Variants in NCOA2 observed in about 807,000 individuals in gnomAD.
NCOA2 encodes nuclear receptor coactivator 2.
Under a neutral mutation model 145.1 loss-of-function variants are expected in NCOA2, and 21 were observed. The ratio of observed to expected loss-of-function variants is 0.14; its 90% CI spans 0.10 to 0.21. The LOEUF (loss-of-function observed/expected upper bound fraction) is 0.21, where lower values mean the gene tolerates loss of function less well. Among genes scored for constraint, NCOA2 ranks in the 10% least tolerant of loss-of-function variants. NCOA2 has a pLI of 1.00. For synonymous variants in NCOA2, 619 were observed against 637.5 expected (o/e 0.97, Z 0.44); for missense variants, 1,472 against 1,837.6 (o/e 0.80, Z 3.64).
chr8:70,279,596 T>C (rs1000778390), intron 2 of NCOA2, among the ~76,000 whole-genome samples: 2 of 152,186 alleles, frequency 1.3e-5, no homozygotes, highest in African/African-American at 2.4e-5. Context: ...GAGACTAATA[T>C]CCCTACTTCC....
At chr8:70,233,471 A>C (rs543494421) in intron 2 of NCOA2, among the ~76,000 whole-genome samples, 1 of 152,318 alleles carries the variant, frequency 6.6e-6, no homozygotes, top group Admixed American at 6.5e-5. Flanking sequence ...AAGGGAATAC[A>C]GGCATGTAGA....
chr8:70,412,278 T>C, the NCOA2 span, among the ~76,000 whole-genome samples: 2 of 150,534 alleles, frequency 1.3e-5, no homozygotes, highest in Non-Finnish European at 3.0e-5. Flanking sequence ...TGTCTGTCTC[T>C]AAAAAGAATA....
At chr8:70,377,933 A>C (rs1340773238) in intron 1 of NCOA2, among the ~76,000 whole-genome samples, 1 of 152,076 alleles carries the variant, frequency 6.6e-6, no homozygotes, top group African/African-American at 2.4e-5. Flanking sequence ...AACAATGATA[A>C]CTCTGACTCT....
At chr8:70,124,309 T>C (rs948500585) in intron 20 of NCOA2, among the ~76,000 whole-genome samples, 6 of 151,580 alleles carry the variant, frequency 4.0e-5, no homozygotes, top group African/African-American at 1.5e-4. Context: ...CTGTGATAAA[T>C]GATCACCAGG....
intron 14 of NCOA2, among the ~76,000 whole-genome samples, chr8:70,139,114 C>T (rs1272041227): frequency 1.3e-5 from 2 of 152,244 alleles, no homozygotes; most frequent in Non-Finnish European, 2.9e-5. Flanking sequence ...CCCACAAGCA[C>T]TCTTTCTCCG....
At chr8:70,294,674 A>G (rs1287924718) in intron 2 of NCOA2, among the ~76,000 whole-genome samples, 1 of 152,210 alleles carries the variant, frequency 6.6e-6, no homozygotes, top group Admixed American at 6.5e-5. Flanking sequence ...TGTCACAAAT[A>G]TTCTTGTACT....
At chr8:70,239,554 C>A (rs1357269566) in intron 2 of NCOA2, among the ~76,000 whole-genome samples, 1 of 152,120 alleles carries the variant, frequency 6.6e-6, no homozygotes, top group Non-Finnish European at 1.5e-5. Flanking sequence ...AGCTTTTCTC[C>A]ATCTCCTTAC....
At chr8:70,380,047 G>A (rs1812052883) in intron 1 of NCOA2, among the ~76,000 whole-genome samples, 1 of 152,062 alleles carries the variant, frequency 6.6e-6, no homozygotes, top group African/African-American at 2.4e-5. Context: ...GCAAACATGA[G>A]TAATTAACAT....
At chr8:70,223,554 A>G (rs1400872045) in intron 2 of NCOA2, among the ~76,000 whole-genome samples, 1 of 152,178 alleles carries the variant, frequency 6.6e-6, no homozygotes, top group Non-Finnish European at 1.5e-5. Flanking sequence ...CATCTTATAG[A>G]TTATCTAACC....
chr8:70,145,479 T>C (rs2958373), intron 12 of NCOA2, among the ~76,000 whole-genome samples: 150,927 of 152,162 alleles, frequency 0.99, 74,851 homozygotes, highest in East Asian at 1. Context: ...TGTGCCACCA[T>C]GCCCAGCTAA....
chr8:70,215,057 T>C (rs1205763681), intron 3 of NCOA2, among the ~76,000 whole-genome samples: 2 of 152,222 alleles, frequency 1.3e-5, no homozygotes, highest in Non-Finnish European at 2.9e-5. Flanking sequence ...TATTTTATAG[T>C]GTTTATACAA....
At chr8:70,120,945 A>C (rs1807734811) in intron 22 of NCOA2, among the ~76,000 whole-genome samples, 2 of 152,224 alleles carry the variant, frequency 1.3e-5, no homozygotes, top group South Asian at 4.1e-4. Context: ...TAGCAAAAAT[A>C]AAAGTTTGCC....
the NCOA2 span, among the ~76,000 whole-genome samples, chr8:70,439,420 C>T: frequency 6.6e-6 from 1 of 152,174 alleles, no homozygotes; most frequent in Non-Finnish European, 1.5e-5. Flanking sequence ...TGAGCTGAGT[C>T]TTCTAAGCGA....
At chr8:70,353,989 T>C (rs1809466006) in intron 1 of NCOA2, among the ~76,000 whole-genome samples, 1 of 152,156 alleles carries the variant, frequency 6.6e-6, no homozygotes, top group African/African-American at 2.4e-5. Flanking sequence ...TGCCAAAACC[T>C]TAGCTCTGGA....
At position 70,131,953 on chromosome 8, in the gene NCOA2, C is replaced by T. The variant is rs1037021666; in HGVS notation, c.3208G>A (p.Ala1070Thr). 7.4e-6 allele frequency: 12 copies of T among 1,612,130 alleles called. No homozygotes were observed. The highest frequency in any genetic ancestry group is 1.0e-5 in the Non-Finnish European group (12 of 1,179,206). Residue 1070 changes from alanine to threonine, a missense_variant, in exon 16 of 23, where the codon GCT (alanine) becomes ACT (threonine). By Grantham distance (58) the Ala-to-Thr change is moderately conservative (BLOSUM62 0). Around this residue, in one of 4 missense-constraint regions of NCOA2, gnomAD observed 953 missense variants for 1,062.1 expected, o/e 0.90. Transcript: ENST00000452400. ...GCTCCCTCATCACTCGGAGACTCAG[C>T]TGCAGGATGTGGACATAGCAAGTCA... ...PDDLLCPHPA[A>T]ESPSDEGALL...
At chr8:70,358,577 C>T (rs1809946411) in intron 1 of NCOA2, among the ~76,000 whole-genome samples, 1 of 152,076 alleles carries the variant, frequency 6.6e-6, no homozygotes, top group Non-Finnish European at 1.5e-5. Flanking sequence ...TGAAATTGAA[C>T]CCCCACCTCA....
chr8:70,382,048 C>T (rs929690220), intron 1 of NCOA2, among the ~76,000 whole-genome samples: 1 of 152,112 alleles, frequency 6.6e-6, no homozygotes, highest in African/African-American at 2.4e-5. Context: ...TCACTTTCCA[C>T]TATCCCAGGC....
chr8:70,362,363 T>C lies in NCOA2; in HGVS notation c.-77+41337A>G, dbSNP rs529578158. On this transcript the variant is annotated intron_variant, in intron 1 of 22. Coordinates refer to ENST00000452400, the MANE Select transcript of NCOA2 (RefSeq NM_006540.4). ...AAACAATCCATCAAAGAATAATTGA[T>C]AAATGAAAAGACAAGCCAAAAACTG... Among the ~76,000 whole-genome samples, 138 of 152,110 alleles carry C rather than the reference T, an allele frequency of 9.1e-4. 1 individual carries two copies. The highest frequency in any genetic ancestry group is 1.0e-3 in the Non-Finnish European group (69 of 68,022).
chr8:70,437,164 G>A, the NCOA2 span, among the ~76,000 whole-genome samples: 2 of 152,144 alleles, frequency 1.3e-5, no homozygotes, highest in Non-Finnish European at 2.9e-5. Flanking sequence ...CCCTCTGGCT[G>A]GAACAACTTT....
Sources: gnomAD v4.1 joint callset for allele counts (sites outside exome capture counted in the v4.1 genomes callset) on GRCh38, gnomAD v4.1.1 for gene constraint, gnomAD v4.1.1 regional missense constraint, MANE v1.5 for transcripts, NCBI Gene and HGNC (gene_info 2026-07-23, HGNC 2026-07-21) for gene names.